Variants in PTDSS1 observed in about 807,000 individuals in gnomAD.
PTDSS1 encodes the protein PSS-1.
A neutral mutation model predicts 70.5 loss-of-function variants in PTDSS1; 45 were observed. The ratio of observed to expected loss-of-function variants is 0.64; its 90% CI spans 0.50 to 0.82. The LOEUF is 0.82. Ranked by LOEUF, PTDSS1 falls within the 40% of genes least tolerant of loss-of-function variation. The probability of loss-of-function intolerance (pLI) is 0.00; values close to 1 mark genes in which losing one functional copy is unlikely to be tolerated. For missense variants in PTDSS1, 417 were observed against 586.1 expected, an observed-to-expected ratio of 0.71 and a Z score of 2.98; for synonymous variants, 188 against 203.8, an observed-to-expected ratio of 0.92 and a Z score of 0.66.
At chr8:96,266,581 A>G (rs1017845352) in intron 1 of PTDSS1, among the ~76,000 whole-genome samples, 7 of 152,124 alleles carry the variant, frequency 4.6e-5, no homozygotes, top group Admixed American at 1.3e-4. Context: ...CTGCTGATTC[A>G]GTTGTCTTTA....
chr8:96,262,824 A>G lies in PTDSS1; in HGVS notation c.179+605A>G, dbSNP rs1359361385. Among the ~76,000 whole-genome samples, 1 of 152,128 alleles carries G rather than the reference A, an allele frequency of 6.6e-6. No individual in the cohort carries two copies. The highest frequency in any genetic ancestry group is 2.4e-5 in the African/African-American group (1 of 41,412). ...CATTGCACACAAGTCATCCAGCATAACACTTCCCCCAGCCTCAAACACTAC... is the reference window on the plus strand; with the variant it reads ...CATTGCACACAAGTCATCCAGCATAGCACTTCCCCCAGCCTCAAACACTAC... On this transcript the variant is annotated intron_variant, in intron 1 of 12. Transcript: ENST00000517309. This position sits in a 1 kb window ranked among gnomAD's most constrained non-coding sequence, Gnocchi z 4.4.
chr8:96,333,572 C>G lies in PTDSS1; in HGVS notation c.*6C>G. ...ATGGCGTTGGAAAGAAATGAAAAAC[C>G]CTGGTTAATCAAAGATGTTCCAGAG... is the stretch of plus-strand genomic sequence containing the variant. On this transcript the variant is annotated 3_prime_UTR_variant, in exon 13 of 13. Coordinates refer to ENST00000517309, the MANE Select transcript of PTDSS1 (RefSeq NM_014754.3). 2 of 1,595,070 alleles carry G rather than the reference C, an allele frequency of 1.3e-6. No homozygotes were observed. The highest frequency in any genetic ancestry group is 1.7e-6 in the Non-Finnish European group (2 of 1,162,726).
intron 8 of PTDSS1, among the ~76,000 whole-genome samples, chr8:96,308,463 C>A (rs938427531): frequency 7.2e-5 from 11 of 152,162 alleles, no homozygotes; most frequent in African/African-American, 2.7e-4. Flanking sequence ...ATCAAATCCT[C>A]AAAGAGTCAG....
At chr8:96,291,507 G>A (rs1810903579) in intron 4 of PTDSS1, among the ~76,000 whole-genome samples, 1 of 149,528 alleles carries the variant, frequency 6.7e-6, no homozygotes, top group South Asian at 2.1e-4. Flanking sequence ...CGCAGTGAGT[G>A]TTGACATTTC....
At chr8:96,313,927 GTT>G (rs1173997009) in intron 9 of PTDSS1, among the ~76,000 whole-genome samples, 1 of 152,122 alleles carries the variant, frequency 6.6e-6, no homozygotes, top group East Asian at 1.9e-4. Context: ...TCACTTTTCT[GTT>G]TTCAGTTCCC....
intron 10 of PTDSS1, among the ~76,000 whole-genome samples, chr8:96,328,597 ACT>A (rs1057023185): frequency 1.3e-5 from 2 of 151,888 alleles, no homozygotes; most frequent in South Asian, 4.2e-4. Flanking sequence ...TGTGCTTCTC[ACT>A]CTCTCTCCAC....
intron 1 of PTDSS1, among the ~76,000 whole-genome samples, chr8:96,272,265 AT>A (rs1563560751): frequency 6.6e-6 from 1 of 151,564 alleles, no homozygotes; most frequent in Admixed American, 6.6e-5. Context: ...AGGTTCATTT[AT>A]TTTTTTAATT....
At chr8:96,295,022 T>A in intron 4 of PTDSS1, 76 bp from the exon 5 acceptor site, 1 of 1,397,116 alleles carries the variant, frequency 7.2e-7, no homozygotes. Context: ...TCTATTCTTT[T>A]TATTTACCGG....
chr8:96,264,325 G>C (rs1429000780), intron 1 of PTDSS1, among the ~76,000 whole-genome samples: 1 of 152,220 alleles, frequency 6.6e-6, no homozygotes, highest in Admixed American at 6.5e-5. Context: ...GTTTAGCTCA[G>C]TGCATGGCAA....
chr8:96,281,046 T>C (rs1810728286), intron 2 of PTDSS1, among the ~76,000 whole-genome samples: 1 of 152,236 alleles, frequency 6.6e-6, no homozygotes, highest in African/African-American at 2.4e-5. Flanking sequence ...TCCTCCTCAG[T>C]TGCATCCCCA....
chr8:96,273,691 GCT>G (rs1810599388), intron 2 of PTDSS1, among the ~76,000 whole-genome samples: 1 of 152,124 alleles, frequency 6.6e-6, no homozygotes, highest in African/African-American at 2.4e-5. Flanking sequence ...CAAATTATAA[GCT>G]CTCAATAAAT....
intron 1 of PTDSS1, among the ~76,000 whole-genome samples, chr8:96,270,747 G>A (rs1810554533): frequency 6.6e-6 from 1 of 151,590 alleles, no homozygotes; most frequent in Non-Finnish European, 1.5e-5. Flanking sequence ...TTCCTAATTA[G>A]ACAAATATAA....
intron 12 of PTDSS1, 26 bp from the exon 13 acceptor site, chr8:96,333,431 C>A: frequency 1.3e-6 from 2 of 1,580,446 alleles, no homozygotes; most frequent in Non-Finnish European, 8.7e-7. Context: ...CCCAGGGTGA[C>A]GGTGTGCTCT....
chr8:96,314,972 G>A (rs1019589024), intron 9 of PTDSS1, among the ~76,000 whole-genome samples: 1 of 152,136 alleles, frequency 6.6e-6, no homozygotes, highest in Non-Finnish European at 1.5e-5. Flanking sequence ...GTATCTAAAC[G>A]AGTAAGCAGA....
At chr8:96,314,247 A>G (rs1170820760) in intron 9 of PTDSS1, among the ~76,000 whole-genome samples, 2 of 151,980 alleles carry the variant, frequency 1.3e-5, no homozygotes, top group Admixed American at 6.6e-5. Flanking sequence ...GGGTTTCACC[A>G]TGTTGCCCAG....
In PTDSS1 at chr8:96,304,113, C is replaced by A. The variant is rs142695191; in HGVS notation, c.826C>A (p.Arg276=). 1,099 of 1,613,532 alleles carry A rather than the reference C, an allele frequency of 6.8e-4. 8 individuals carry two copies. The African/African-American group carries it at 0.013, about 20-fold the overall frequency. ...CACTCCTGCTAGCTGGACCTATGTT[C>A]GATGGTTTGACCCCAAATCTTCTTT... ...QFTPASWTYV[R]WFDPKSSFQR... The change falls in exon 7 of 13, where the codon CGA becomes AGA. Residue 276 remains arginine, a synonymous_variant. Coordinates refer to ENST00000517309, the MANE Select transcript of PTDSS1 (RefSeq NM_014754.3).
At chr8:96,271,290 T>C (rs1008919816) in intron 1 of PTDSS1, among the ~76,000 whole-genome samples, 10 of 152,242 alleles carry the variant, frequency 6.6e-5, no homozygotes, top group African/African-American at 2.4e-5. Flanking sequence ...AAATAGTTGC[T>C]TATTATACCT....
At chr8:96,300,370 G>C (rs1271011108) in intron 6 of PTDSS1, among the ~76,000 whole-genome samples, 1 of 152,006 alleles carries the variant, frequency 6.6e-6, no homozygotes, top group Non-Finnish European at 1.5e-5. Context: ...TTGTGCACAC[G>C]CTCCCCTCTC....
rs532956573 is a variant in PTDSS1 at position 96,268,005 on chromosome 8, C to G, written c.180-5294C>G. Among the ~76,000 whole-genome samples the G allele has an allele frequency of 4.4e-4, 67 of 152,186 alleles. 1 individual carries two copies. The highest frequency in any genetic ancestry group is 9.2e-4 in the Admixed American group (14 of 15,282). The stretch of plus-strand genomic sequence containing the variant: ...CAGAGGAAGAAATGTTTATATCCTT[C>G]CAAATACTTGTTATTATTGTATCTA... On this transcript the variant is annotated intron_variant, in intron 1 of 12. Transcript: ENST00000517309.
Sources: allele counts gnomAD v4.1 joint callset (sites outside exome capture counted in the v4.1 genomes callset), GRCh38; gene constraint gnomAD v4.1.1; non-coding constraint Gnocchi (gnomAD v3.1); transcripts MANE v1.5; gene names NCBI Gene and HGNC (gene_info 2026-07-23, HGNC 2026-07-21).